Variants in PRDM14 observed in about 807,000 individuals in gnomAD.
The protein encoded by PRDM14 is PR/SET domain 14, also known as PR domain zinc finger protein 14.
A neutral mutation model predicts 48.0 loss-of-function variants in PRDM14; 16 were observed. The observed-to-expected ratio is 0.33, with a 90% CI of 0.23 to 0.51. The LOEUF is 0.51. Among genes scored for constraint, PRDM14 ranks in the 20% least tolerant of loss-of-function variants. The probability of loss-of-function intolerance (pLI) is 0.97; values close to 1 mark genes in which losing one functional copy is unlikely to be tolerated. For missense variants in PRDM14, 566 were observed against 719.6 expected, an observed-to-expected ratio of 0.79 and a Z score of 2.44; for synonymous variants, 264 against 276.6, an observed-to-expected ratio of 0.95 and a Z score of 0.45.
Position 70,068,533 on chromosome 8 carries a change from C to T in PRDM14, c.701-1G>A. 1 of 1,613,978 alleles carries T rather than the reference C, an allele frequency of 6.2e-7. No individual in the cohort carries two copies. The highest frequency in any genetic ancestry group is 8.5e-7 in the Non-Finnish European group (1 of 1,179,920). ...AGAGTTTGAGGAAGAGAATCAGATC[C>T]TAGCAAAAGGCAGGTTAAAACAATT... On this transcript the variant is annotated splice_acceptor_variant, in intron 2 of 7. Transcript: ENST00000276594. LOFTEE classifies it high-confidence loss of function.
At chr8:70,069,941 C>T (rs1805739866) in intron 1 of PRDM14, 57 bp from the exon 2 acceptor site, 1 of 1,071,422 alleles carries the variant, frequency 9.3e-7, no homozygotes, top group Non-Finnish European at 1.3e-6. Flanking sequence ...GGGGTCCGAC[C>T]CGCGCCTCCC....
At position 70,068,394 on chromosome 8, in the gene PRDM14, G is replaced by C; in HGVS notation, c.755-7C>G. 1 of 1,614,202 alleles carries C rather than the reference G, an allele frequency of 6.2e-7. No homozygotes were observed. The highest frequency in any genetic ancestry group is 2.2e-5 in the East Asian group (1 of 44,892). On this transcript the variant is annotated splice_polypyrimidine_tract_variant and splice_region_variant and intron_variant, in intron 3 of 7. Transcript: ENST00000276594. ...GTCTGCATGAGGCATAGACCTAGGG[G>C]AAAGCCGAGGCAGGAAAAGAGAATG...
intron 6 of PRDM14, among the ~76,000 whole-genome samples, chr8:70,058,382 A>G (rs1805516300): frequency 6.6e-6 from 1 of 152,014 alleles, no homozygotes; most frequent in African/African-American, 2.4e-5. Flanking sequence ...ATCTTTCATA[A>G]TCCACGTGTC....
intron 6 of PRDM14, 60 bp from the exon 7 acceptor site, chr8:70,055,461 A>G (rs1805456763): frequency 2.1e-6 from 2 of 974,916 alleles, no homozygotes; most frequent in Admixed American, 3.7e-5. Context: ...GTCCATTTCA[A>G]CCTTGCGTTT....
chr8:70,052,163 C>T lies in PRDM14; in HGVS notation c.1630G>A (p.Asp544Asn), dbSNP rs1289330671. 6.2e-7 allele frequency: 1 copy of T among 1,613,492 alleles called. No individual in the cohort carries two copies. The highest frequency in any genetic ancestry group is 8.5e-7 in the Non-Finnish European group (1 of 1,179,870). Reference protein sequence around the residue: ...SHVRRSHKEDDGCSCSICGKI... With the variant: ...SHVRRSHKEDNGCSCSICGKI... ...CCACAGATGCTGCATGAGCAGCCAT[C>T]ATCCTCCTTGTGTGAACGCCGGACA... The change falls in exon 8 of 8, where the codon GAT becomes AAT. Residue 544 changes from aspartate (D) to asparagine (N), a missense_variant. By Grantham distance (23) the Asp-to-Asn change is conservative. Transcript: ENST00000276594.
intron 2 of PRDM14, 119 bp from the exon 3 acceptor site, chr8:70,068,651 G>A: frequency 2.4e-6 from 2 of 846,060 alleles, no homozygotes; most frequent in Non-Finnish European, 3.9e-6. Context: ...ATATTTATTT[G>A]TTGTTTCTAT....
At chr8:70,055,538 ATT>A (rs1330234251) in intron 6 of PRDM14, 137 bp from the exon 7 acceptor site, 5 of 525,956 alleles carry the variant, frequency 9.5e-6, no homozygotes, top group African/African-American at 7.9e-5. Flanking sequence ...CGGGATCTCA[ATT>A]TGTTACCCAG....
In PRDM14 at chr8:70,052,117, T is replaced by C; in HGVS notation, c.1676A>G (p.Glu559Gly). 1 of 1,612,240 alleles carries C rather than the reference T, an allele frequency of 6.2e-7. No individual in the cohort carries two copies. Among genetic ancestry groups the C allele is most frequent in the Non-Finnish European group, 8.5e-7 (1 of 1,179,588 alleles). ...SICGKIFSDQETFYSHMKFHE... is the reference protein window; with the variant it reads ...SICGKIFSDQGTFYSHMKFHE... ...AAACTTCATGTGGGAGTAGAATGTT[T>C]CTTGATCTGAGAAGATTTTCCCACA... Residue 559 changes from glutamate (E) to glycine (G), a missense_variant, in exon 8 of 8, where the codon GAA becomes GGA. Transcript: ENST00000276594.
intron 5 of PRDM14, among the ~76,000 whole-genome samples, chr8:70,060,751 A>ACACTGAGG (rs1315532356): frequency 6.6e-6 from 1 of 152,190 alleles, no homozygotes; most frequent in African/African-American, 2.4e-5. Context: ...CAAGGTTAAT[A>ACACTGAGG]CACTGAGGCA....
rs1279723363 is a variant in PRDM14, at chr8:70,055,324, T to A, written c.1464A>T (p.Pro488=). The change falls in exon 7 of 8, where the codon CCA becomes CCT. Residue 488 remains proline, a synonymous_variant. Coordinates refer to ENST00000276594, the MANE Select transcript of PRDM14 (RefSeq NM_024504.4). Reference sequence around the variant, plus strand: ...CCTTAGTACAATACACACACTGGTATGGTCTGTCTCCAGAGTGGACTCGCA... The same window carrying A: ...CCTTAGTACAATACACACACTGGTAAGGTCTGTCTCCAGAGTGGACTCGCA... The part of the protein sequence containing the change: ...KHMRVHSGDR[P]YQCVYCTKRF... The A allele has an allele frequency of 3.7e-6, 6 of 1,602,764 alleles. No homozygotes were observed. Among genetic ancestry groups the A allele is most frequent in the Non-Finnish European group, 5.1e-6 (6 of 1,169,862 alleles).
chr8:70,069,948 TCCCCACCAGCCTCCTCCAC>T, intron 1 of PRDM14, 64 bp from the exon 2 acceptor site: 1 of 994,754 alleles, frequency 1.0e-6, no homozygotes, highest in South Asian at 1.7e-5. Flanking sequence ...GACCCGCGCC[TCCCCACCAGCCTCCTCCAC>T]CCCAGCCAGC....
intron 5 of PRDM14, among the ~76,000 whole-genome samples, chr8:70,064,588 A>C (rs527877128): frequency 6.9e-6 from 1 of 145,186 alleles, no homozygotes; most frequent in Admixed American, 7.1e-5. Flanking sequence ...GCAGTGGCGC[A>C]ATCTCAGCTC....
At chr8:70,052,357 G>T in intron 7 of PRDM14, 53 bp from the exon 8 acceptor site, 1 of 1,426,096 alleles carries the variant, frequency 7.0e-7, no homozygotes, top group South Asian at 1.2e-5. Context: ...CCACGAGCTG[G>T]ACAACCAATT....
At chr8:70,052,865 CAAAAAAAAAAAA>C (rs71275047) in intron 7 of PRDM14, among the ~76,000 whole-genome samples, 23 of 24,330 alleles carry the variant, frequency 9.5e-4, no homozygotes, top group Non-Finnish European at 1.5e-3. Context: ...ACTCTGTCTC[CAAAAAAAAAAAA>C]AAAAAAAAAA....
In PRDM14 at chr8:70,068,540, A is replaced by T; in HGVS notation, c.701-8T>A. Reference sequence around the variant, plus strand: ...GAGGAAGAGAATCAGATCCTAGCAAAAGGCAGGTTAAAACAATTTTTCATT... The same window carrying T: ...GAGGAAGAGAATCAGATCCTAGCAATAGGCAGGTTAAAACAATTTTTCATT... On this transcript the variant is annotated splice_region_variant and splice_polypyrimidine_tract_variant and intron_variant, in intron 2 of 7. Coordinates refer to ENST00000276594, the MANE Select transcript of PRDM14 (RefSeq NM_024504.4). 6.2e-7 allele frequency: 1 copy of T among 1,613,864 alleles called. No homozygotes were observed. The highest frequency in any genetic ancestry group is 8.5e-7 in the Non-Finnish European group (1 of 1,179,790).
chr8:70,053,534 G>A (rs1011834328), intron 7 of PRDM14, among the ~76,000 whole-genome samples: 14 of 152,056 alleles, frequency 9.2e-5, no homozygotes, highest in African/African-American at 3.4e-4. Context: ...GGAATTACAG[G>A]TGCACTATGA....
At chr8:70,070,380 T>TTG (rs1351174863) in intron 1 of PRDM14, among the ~76,000 whole-genome samples, 8 of 152,082 alleles carry the variant, frequency 5.3e-5, no homozygotes, top group African/African-American at 1.9e-4. Context: ...AAGCGACAGC[T>TTG]CCAGGCGCTC....
At chr8:70,061,504 C>T (rs545299262) in intron 5 of PRDM14, among the ~76,000 whole-genome samples, 163 of 152,314 alleles carry the variant, frequency 1.1e-3, no homozygotes, top group Non-Finnish European at 1.1e-3. Flanking sequence ...GCTGATCCAT[C>T]GCCCTGCTCT....
chr8:70,063,070 T>C (rs996837064), intron 5 of PRDM14, among the ~76,000 whole-genome samples: 19 of 152,354 alleles, frequency 1.2e-4, no homozygotes, highest in African/African-American at 4.3e-4. Context: ...GATAATAGAT[T>C]TCCAGAAGAG....
Sources: gnomAD v4.1 joint callset for allele counts (sites outside exome capture counted in the v4.1 genomes callset) on GRCh38, gnomAD v4.1.1 for gene constraint, MANE v1.5 for transcripts, NCBI Gene and HGNC (gene_info 2026-07-23, HGNC 2026-07-21) for gene names.